BDP1: variants seen among roughly 807,000 people sequenced by gnomAD.
BDP1 encodes transcription factor TFIIIB component B'' homolog.
BDP1 carries 169 observed loss-of-function variants against 266.6 expected under a neutral mutation model. The observed-to-expected ratio is 0.63, with a 90% confidence interval of 0.56 to 0.72. The LOEUF (loss-of-function observed/expected upper bound fraction) is 0.72. Among genes scored for constraint, BDP1 ranks in the 30% least tolerant of loss-of-function variants. The probability of loss-of-function intolerance (pLI) is 0.00; values close to 1 mark genes in which losing one functional copy is unlikely to be tolerated. For synonymous variants in BDP1, 1,090 were observed against 1,022.4 expected, an observed-to-expected ratio of 1.07 and a Z score of -1.26; for missense variants, 3,015 against 3,053.8, an observed-to-expected ratio of 0.99 and a Z score of 0.30.
At chr5:71,467,126 T>C (rs1178996483) in intron 5 of BDP1, among the ~76,000 whole-genome samples, 1 of 152,214 alleles carries the variant, frequency 6.6e-6, no homozygotes, top group Admixed American at 6.5e-5. Context: ...AATATTATAT[T>C]GCTGTTATGG....
At position 71,553,137 on chromosome 5, in the gene BDP1, A is replaced by C. The variant is rs1166024350; in HGVS notation, c.7017A>C (p.Ser2339=). 3 of 1,612,182 alleles carry C rather than the reference A, an allele frequency of 1.9e-6. No individual in the cohort carries two copies. In the Admixed American group the frequency reaches 5.0e-5, roughly 27 times the overall value. Reference sequence around the variant, plus strand: ...GCAGTATTTGTTTACCAGCAACTTCAGTTGGTCAAGATGCCATGGGTTTAT... The same window carrying C: ...GCAGTATTTGTTTACCAGCAACTTCCGTTGGTCAAGATGCCATGGGTTTAT... ...GDMSICLPAT[S]VGQDAMGLSI... is the part of the protein sequence containing the mutation. The change falls in exon 35 of 39, where the codon TCA becomes TCC. Residue 2339 remains serine, a synonymous_variant. Transcript: ENST00000358731.
intron 16 of BDP1, among the ~76,000 whole-genome samples, chr5:71,506,758 TTA>T (rs67179518): frequency 0.44 from 59,938 of 135,522 alleles, 13,187 homozygotes; most frequent in South Asian, 0.53. Context: ...GTTTGGAGGT[TTA>T]TATATATATA....
chr5:71,512,999 G>T (rs1323870052), intron 18 of BDP1, among the ~76,000 whole-genome samples, 186 bp from the exon 19 acceptor site: 1 of 147,420 alleles, frequency 6.8e-6, no homozygotes, highest in Non-Finnish European at 1.5e-5. Context: ...GGAGGTCAAG[G>T]CTGCAGTGAG....
At chr5:71,488,704 C>T (rs1051324154) in intron 9 of BDP1, among the ~76,000 whole-genome samples, 1 of 151,676 alleles carries the variant, frequency 6.6e-6, no homozygotes, top group African/African-American at 2.4e-5. Context: ...GCTAGGATTA[C>T]AGGCGTGAGC....
intron 2 of BDP1, among the ~76,000 whole-genome samples, chr5:71,459,947 G>A (rs1422114643): frequency 6.6e-6 from 1 of 152,222 alleles, no homozygotes; most frequent in Admixed American, 6.5e-5. Context: ...TATTCTGCAA[G>A]TATTCAAAAA....
chr5:71,551,041 C>T (rs960508671), intron 34 of BDP1, among the ~76,000 whole-genome samples: 2 of 151,954 alleles, frequency 1.3e-5, no homozygotes, highest in African/African-American at 4.8e-5. Context: ...TTTAACTTTA[C>T]AATTAGGGAA....
chr5:71,553,383 A>G, intron 35 of BDP1, 63 bp downstream of exon 35: 2 of 1,143,914 alleles, frequency 1.7e-6, no homozygotes, highest in Non-Finnish European at 2.5e-6. Flanking sequence ...ATTGCAACAG[A>G]TCTGTTCCTA....
At chr5:71,479,944 T>C (rs926182198) in intron 7 of BDP1, among the ~76,000 whole-genome samples, 2 of 151,946 alleles carry the variant, frequency 1.3e-5, no homozygotes, top group African/African-American at 4.8e-5. Flanking sequence ...GTCACGGGTT[T>C]TTTTGTTTGT....
At chr5:71,470,354 A>G (rs1298243265) in intron 6 of BDP1, 41 bp from the exon 7 acceptor site, 4 of 1,337,262 alleles carry the variant, frequency 3.0e-6, no homozygotes, top group East Asian at 2.4e-5. Context: ...AAATATTGAT[A>G]TAATTAATTT....
At chr5:71,506,823 A>ACACACACACACAC (rs377599570) in intron 16 of BDP1, among the ~76,000 whole-genome samples, 1 of 141,726 alleles carries the variant, frequency 7.1e-6, no homozygotes, top group African/African-American at 2.6e-5. Flanking sequence ...ACACACACAC[A>ACACACACACACAC]CCCATATTTT....
chr5:71,570,217 T>C (rs531319155), downstream of BDP1, among the ~76,000 whole-genome samples: 25 of 152,318 alleles, frequency 1.6e-4, no homozygotes, highest in African/African-American at 5.5e-4. Flanking sequence ...TGGAAATCAG[T>C]ATAATTTCAG....
At position 71,553,177 on chromosome 5, in the gene BDP1, G is replaced by C; in HGVS notation, c.7057G>C (p.Asp2353His). The C allele has an allele frequency of 1.9e-6, 3 of 1,613,260 alleles. No homozygotes were observed. Among genetic ancestry groups the C allele is most frequent in the Non-Finnish European group, 8.5e-7 (1 of 1,179,904 alleles). The change falls in exon 35 of 39, where the codon GAT (aspartate) becomes CAT (histidine). Residue 2353 changes from aspartate to histidine, a missense_variant. This residue lies in a region of BDP1 where 629 missense variants were observed against 632.5 expected (regional missense o/e 0.99). Transcript: ENST00000358731. ...DAMGLSISGR[D>H]NSKKPPDNLD... ...CATGGGTTTATCTATTTCTGGAAGA[G>C]ATAATTCTAAAAAGCCGCCTGATAA...
chr5:71,472,427 C>T (rs916719182), intron 7 of BDP1, among the ~76,000 whole-genome samples: 4 of 152,216 alleles, frequency 2.6e-5, no homozygotes, highest in Non-Finnish European at 5.9e-5. Context: ...TACCACTGCA[C>T]TCCAGTCTGT....
chr5:71,536,702 C>T (rs539646104), intron 26 of BDP1, among the ~76,000 whole-genome samples: 94 of 152,152 alleles, frequency 6.2e-4, no homozygotes, highest in African/African-American at 1.9e-3. Context: ...TGGTGGCATG[C>T]GCCTGTGGTC....
chr5:71,482,952 T>C (rs1214982156), intron 7 of BDP1, among the ~76,000 whole-genome samples: 1 of 152,192 alleles, frequency 6.6e-6, no homozygotes, highest in African/African-American at 2.4e-5. Flanking sequence ...AAGGCTAAAC[T>C]GTATCATCTA....
chr5:71,562,998 T>TCACCCAGGCTGTAGTGCAG, intron 38 of BDP1: 1 of 800,492 alleles, frequency 1.2e-6, no homozygotes, highest in Non-Finnish European at 1.7e-6. Context: ...TGAGCATCTG[T>TCACCCAGGCTGTAGTGCAG]TGAACAGCAT....
In BDP1 at chr5:71,510,148, G is replaced by C; in HGVS notation, c.3056G>C (p.Ser1019Thr). The change falls in exon 17 of 39, where the codon AGT (serine) becomes ACT (threonine). Residue 1019 changes from serine (S) to threonine (T), a missense_variant. By Grantham distance (58) the Ser-to-Thr change is moderately conservative. This residue lies in a region of BDP1 where 2,383 missense variants were observed against 2,404.9 expected (regional missense o/e 0.99). Coordinates refer to ENST00000358731, the MANE Select transcript of BDP1 (RefSeq NM_018429.3). ...ETDLNATGRE[S>T]SPREKTPEVI... ...GATTTGAACGCAACTGGAAGAGAGA[G>C]TTCTCCAAGGGAGAAGACACCAGAG... 1 of 1,613,604 alleles carries C rather than the reference G, an allele frequency of 6.2e-7. No individual in the cohort carries two copies.
chr5:71,535,251 G>C (rs1766522263), intron 26 of BDP1, among the ~76,000 whole-genome samples: 1 of 151,368 alleles, frequency 6.6e-6, no homozygotes, highest in Non-Finnish European at 1.5e-5. Flanking sequence ...GCCCAGGCTG[G>C]AGTGCAATGG....
At chr5:71,530,230 C>A (rs1223041504) in intron 25 of BDP1, among the ~76,000 whole-genome samples, 3 of 151,338 alleles carry the variant, frequency 2.0e-5, no homozygotes, top group African/African-American at 4.9e-5. Flanking sequence ...ATTTATTTTT[C>A]TTTTCTTTAT....
Sources: gnomAD v4.1 joint callset for allele counts (sites outside exome capture counted in the v4.1 genomes callset) on GRCh38, gnomAD v4.1.1 for gene constraint, gnomAD v4.1.1 regional missense constraint, MANE v1.5 for transcripts, NCBI Gene and HGNC (gene_info 2026-07-23, HGNC 2026-07-21) for gene names.